FKBP5: variants seen among roughly 807,000 people sequenced by gnomAD.
FKBP5 encodes the protein FKBP prolyl isomerase 5, also known as peptidyl-prolyl cis-trans isomerase FKBP5.
FKBP5 carries 23 observed loss-of-function variants against 50.5 expected under a neutral mutation model. The ratio of observed to expected loss-of-function variants is 0.46; its 90% CI spans 0.33 to 0.65. FKBP5 has a LOEUF of 0.65. Among genes scored for constraint, FKBP5 ranks in the 30% least tolerant of loss-of-function variants. The pLI is 0.02. For synonymous variants in FKBP5, 176 were observed against 190.6 expected, an observed-to-expected ratio of 0.92 and a Z score of 0.63; for missense variants, 411 against 553.1, an observed-to-expected ratio of 0.74 and a Z score of 2.58.
chr6:35,585,670 A>C, intron 8 of FKBP5: 1 of 934,922 alleles, frequency 1.1e-6, no homozygotes, highest in Non-Finnish European at 1.3e-6. Context: ...TACTTATCTA[A>C]ACCCATGATT....
At chr6:35,643,533 C>T (rs895362490) in intron 1 of FKBP5, among the ~76,000 whole-genome samples, 15 of 152,160 alleles carry the variant, frequency 9.9e-5, no homozygotes, top group African/African-American at 3.6e-4. Flanking sequence ...CATTCAAGGC[C>T]CTTCACAATC....
chr6:35,599,646 G>T (rs543743675), intron 5 of FKBP5, among the ~76,000 whole-genome samples: 2 of 152,260 alleles, frequency 1.3e-5, no homozygotes, highest in Admixed American at 6.5e-5. Context: ...GGCCAAACTA[G>T]AAAGGGCCTA....
At chr6:35,582,382 G>T in intron 8 of FKBP5, 1 of 798,234 alleles carries the variant, frequency 1.3e-6, no homozygotes, top group Non-Finnish European at 1.5e-6. Context: ...TGGAGCATTT[G>T]GGGAGGGAAT....
chr6:35,663,375 G>A (rs1031180399), intron 1 of FKBP5, among the ~76,000 whole-genome samples: 1 of 152,206 alleles, frequency 6.6e-6, no homozygotes, highest in Non-Finnish European at 1.5e-5. Flanking sequence ...GTGTGCCAAA[G>A]TAAAGTACGT....
intron 2 of FKBP5, among the ~76,000 whole-genome samples, chr6:35,708,603 T>C (rs1766363012): frequency 6.6e-6 from 1 of 151,998 alleles, no homozygotes; most frequent in Admixed American, 6.6e-5. Flanking sequence ...GGCAAATCTA[T>C]GTATACTTGT....
At chr6:35,657,029 G>A (rs554885740) in intron 1 of FKBP5, among the ~76,000 whole-genome samples, 1 of 150,596 alleles carries the variant, frequency 6.6e-6, no homozygotes, top group Non-Finnish European at 1.5e-5. Context: ...GTCTAACACG[G>A]TGAAACCCTG....
chr6:35,641,353 A>G (rs1764483264), intron 2 of FKBP5, among the ~76,000 whole-genome samples: 5 of 152,216 alleles, frequency 3.3e-5, no homozygotes, highest in Admixed American at 3.3e-4. Context: ...AAGTATAGTA[A>G]ACACATAAAC....
At chr6:35,595,697 G>C (rs1160389774) in intron 6 of FKBP5, among the ~76,000 whole-genome samples, 1 of 152,066 alleles carries the variant, frequency 6.6e-6, no homozygotes, top group African/African-American at 2.4e-5. Flanking sequence ...GCTACAGTGA[G>C]CGTGACTGTG....
intron 7 of FKBP5, among the ~76,000 whole-genome samples, chr6:35,589,117 TATATATATATA>T (rs1486295967): frequency 2.2e-4 from 28 of 127,890 alleles, no homozygotes; most frequent in African/African-American, 7.1e-4. Context: ...TTTTTATATA[TATATATATATA>T]TTTTTTTTTT....
At chr6:35,634,573 G>C (rs1226967000) in intron 3 of FKBP5, among the ~76,000 whole-genome samples, 9 of 152,152 alleles carry the variant, frequency 5.9e-5, no homozygotes, top group Non-Finnish European at 1.3e-4. Context: ...TGAGTGGCAA[G>C]AGACAGAAAG....
chr6:35,640,079 G>A (rs375888747), intron 2 of FKBP5, among the ~76,000 whole-genome samples: 1 of 152,172 alleles, frequency 6.6e-6, no homozygotes, highest in Admixed American at 6.5e-5. Context: ...AGAAATGCAC[G>A]TGAAAATGAT....
chr6:35,595,606 C>T (rs1196572218), intron 6 of FKBP5, among the ~76,000 whole-genome samples: 1 of 152,004 alleles, frequency 6.6e-6, no homozygotes, highest in East Asian at 1.9e-4. Context: ...CAAAAAGTAG[C>T]CGGGTGTGGT....
chr6:35,674,048 T>C (rs1430222293), intron 1 of FKBP5, among the ~76,000 whole-genome samples: 2 of 152,202 alleles, frequency 1.3e-5, no homozygotes, highest in East Asian at 3.8e-4. Flanking sequence ...TCCCTCTCTC[T>C]GGTCCTTTCC....
In FKBP5 at chr6:35,586,107, C is replaced by T; in HGVS notation, c.840+927G>A. 5.1e-6 allele frequency: 5 copies of T among 985,002 alleles called. No homozygotes were observed. In the South Asian group the frequency reaches 2.4e-4, roughly 46 times the overall value. The allele number at this position is 985,002 out of a possible 1,614,324, so 61.0% of individuals were successfully genotyped here. On this transcript the variant is annotated intron_variant, in intron 8 of 10. Coordinates refer to ENST00000357266, the MANE Select transcript of FKBP5 (RefSeq NM_004117.4). Reference sequence around the variant, plus strand: ...GAAACCTTGACAGAACTCCCATTCTCCCTCTAATTCTCATCACTAAGCCCT... The same window carrying T: ...GAAACCTTGACAGAACTCCCATTCTTCCTCTAATTCTCATCACTAAGCCCT...
intron 5 of FKBP5, among the ~76,000 whole-genome samples, chr6:35,610,905 A>G (rs1387760997): frequency 6.6e-6 from 1 of 152,156 alleles, no homozygotes; most frequent in Non-Finnish European, 1.5e-5. Context: ...AAAGCTCCCT[A>G]GGTAATTCTA....
intron 2 of FKBP5, among the ~76,000 whole-genome samples, chr6:35,703,547 T>A (rs1175581026): frequency 6.6e-6 from 1 of 152,236 alleles, no homozygotes; most frequent in Non-Finnish European, 1.5e-5. Flanking sequence ...AAATATGTAC[T>A]AATATTATTT....
chr6:35,587,786 C>T (rs770269576), intron 7 of FKBP5, among the ~76,000 whole-genome samples: 4 of 152,100 alleles, frequency 2.6e-5, no homozygotes, highest in Non-Finnish European at 5.9e-5. Flanking sequence ...TCCACCATTA[C>T]AGATACAAAT....
rs1430526401 is a variant in FKBP5, at chr6:35,581,900, G to C, written c.841-1679C>G. The stretch of plus-strand genomic sequence containing the variant: ...AGCGCGTACATCTCACTGCCGAGTT[G>C]TCTCTCCCCACAAATACTCCAACCC... On this transcript the variant is annotated intron_variant, in intron 8 of 10. Coordinates refer to ENST00000357266, the MANE Select transcript of FKBP5 (RefSeq NM_004117.4). The C allele has an allele frequency of 2.0e-5, 20 of 985,408 alleles. No individual in the cohort carries two copies. The African/African-American group carries it at 2.8e-4, about 14-fold the overall frequency. The allele number at this position is 985,408 out of a possible 1,614,324, so 61.0% of individuals were successfully genotyped here.
At chr6:35,600,637 T>C (rs1763119392) in intron 5 of FKBP5, among the ~76,000 whole-genome samples, 1 of 152,196 alleles carries the variant, frequency 6.6e-6, no homozygotes, top group Non-Finnish European at 1.5e-5. Context: ...GCTCACAACT[T>C]AGTTAACAGA....
Sources: gnomAD v4.1 joint callset for allele counts (sites outside exome capture counted in the v4.1 genomes callset) on GRCh38, gnomAD v4.1.1 for gene constraint, MANE v1.5 for transcripts, NCBI Gene and HGNC (gene_info 2026-07-23, HGNC 2026-07-21) for gene names.